CDH23: variants seen among roughly 807,000 people sequenced by gnomAD.
CDH23 encodes the protein cadherin related 23, also known as cadherin-23.
Under a neutral mutation model 317.1 loss-of-function variants are expected in CDH23, and 189 were observed. That is an observed-to-expected ratio of 0.60 (90% CI 0.53 to 0.67). The LOEUF (loss-of-function observed/expected upper bound fraction) is 0.67. Among genes scored for constraint, CDH23 ranks in the 30% least tolerant of loss-of-function variants. CDH23 has a pLI of 0.00. For synonymous variants in CDH23, 1,839 were observed against 1,876.8 expected, an observed-to-expected ratio of 0.98 and a Z score of 0.52; for missense variants, 4,401 against 4,592.4, an observed-to-expected ratio of 0.96 and a Z score of 1.20.
At chr10:71,544,827 T>C (rs1341897969) in intron 6 of CDH23, among the ~76,000 whole-genome samples, 1 of 152,236 alleles carries the variant, frequency 6.6e-6, no homozygotes, top group African/African-American at 2.4e-5. Flanking sequence ...TCATTTTCAG[T>C]TGACTTCTCC....
At chr10:71,411,823 T>G (rs188198727) in intron 1 of CDH23, among the ~76,000 whole-genome samples, 61 of 152,340 alleles carry the variant, frequency 4.0e-4, no homozygotes, top group Admixed American at 2.4e-3. Flanking sequence ...AACATAAAAT[T>G]TACCTTTTAA....
intron 38 of CDH23, among the ~76,000 whole-genome samples, chr10:71,759,521 T>A (rs1002695089): frequency 2.7e-5 from 4 of 150,016 alleles, no homozygotes; most frequent in Non-Finnish European, 5.9e-5. Context: ...AAAAAAAAAA[T>A]TCCTGAGGCC....
intron 26 of CDH23, among the ~76,000 whole-genome samples, chr10:71,708,213 C>A (rs1372983842): frequency 6.6e-6 from 1 of 152,130 alleles, no homozygotes; most frequent in East Asian, 1.9e-4. Flanking sequence ...TCCCTAGGGG[C>A]AAACCAGCAA....
intron 38 of CDH23, chr10:71,742,131 C>G (rs1159241655): frequency 6.9e-6 from 4 of 582,676 alleles, no homozygotes; most frequent in Non-Finnish European, 1.2e-5. Context: ...CTAGTTTGGC[C>G]TCCCGAGTCT....
intron 6 of CDH23, among the ~76,000 whole-genome samples, chr10:71,564,162 A>G (rs1241249616): frequency 6.6e-6 from 1 of 152,186 alleles, no homozygotes; most frequent in Non-Finnish European, 1.5e-5. Flanking sequence ...ACCCAGATGC[A>G]CCTGGCCCCA....
At chr10:71,472,314 C>T (rs1270754327) in intron 3 of CDH23, among the ~76,000 whole-genome samples, 2 of 152,168 alleles carry the variant, frequency 1.3e-5, no homozygotes, top group African/African-American at 4.8e-5. Context: ...CTGTTAACAC[C>T]ACCTCCTCCC....
chr10:71,559,805 A>G (rs955765145), intron 6 of CDH23, among the ~76,000 whole-genome samples: 2 of 152,352 alleles, frequency 1.3e-5, no homozygotes, highest in South Asian at 2.1e-4. Flanking sequence ...CATTTCACCC[A>G]AGAGAGCAAA....
At chr10:71,575,075 A>C (rs1858092772) in intron 8 of CDH23, among the ~76,000 whole-genome samples, 1 of 152,140 alleles carries the variant, frequency 6.6e-6, no homozygotes, top group East Asian at 1.9e-4. Context: ...GGCCCCACAC[A>C]GTGGAACATC....
At chr10:71,715,700 A>C (rs962248311) in intron 28 of CDH23, 3 of 400,766 alleles carry the variant, frequency 7.5e-6, no homozygotes, top group Admixed American at 4.1e-5. Flanking sequence ...ACATCTCTTG[A>C]CCAGAAGTCT....
At chr10:71,681,946 G>T (rs1864670322) in intron 17 of CDH23, among the ~76,000 whole-genome samples, 1 of 152,192 alleles carries the variant, frequency 6.6e-6, no homozygotes. Flanking sequence ...GGAGAGAGGA[G>T]TAGTGACAGG....
chr10:71,483,994 C>T (rs1009417731), intron 3 of CDH23, among the ~76,000 whole-genome samples: 3 of 152,118 alleles, frequency 2.0e-5, no homozygotes, highest in Admixed American at 6.5e-5. Flanking sequence ...TCCTCCAGCC[C>T]GAGCGCACCT....
chr10:71,796,191 T>G (rs2132960341), intron 48 of CDH23: 4 of 711,900 alleles, frequency 5.6e-6, no homozygotes, highest in Middle Eastern at 7.1e-4. Flanking sequence ...GGAGAGGAGG[T>G]CTCACTCTGG....
intron 11 of CDH23, among the ~76,000 whole-genome samples, chr10:71,621,635 C>T (rs902451037): frequency 1.4e-4 from 22 of 152,266 alleles, no homozygotes; most frequent in East Asian, 5.8e-4. Context: ...GCGGGGCAGT[C>T]GAGGGAGCTG....
intron 28 of CDH23, chr10:71,714,832 G>A (rs1266201822): frequency 6.6e-6 from 1 of 152,280 alleles, no homozygotes; most frequent in Non-Finnish European, 1.5e-5. Flanking sequence ...CCAGCTGACT[G>A]GGACAGGAGC....
At position 71,690,480 on chromosome 10, in the gene CDH23, T is replaced by C. The variant is rs543167127; in HGVS notation, c.2072T>C (p.Leu691Pro). 2 of 1,606,026 alleles carry C rather than the reference T, an allele frequency of 1.2e-6. No homozygotes were observed. Among genetic ancestry groups the C allele is most frequent in the African/African-American group, 1.3e-5 (1 of 74,814 alleles). Residue 691 changes from leucine to proline, a missense_variant, in exon 20 of 70, where the codon CTG (leucine) becomes CCG (proline). Leu to Pro is a moderately conservative substitution (Grantham distance 98, BLOSUM62 -3). Around this residue, in one of 3 missense-constraint regions of CDH23, gnomAD observed 3,068 missense variants for 3,203.3 expected, o/e 0.96. Coordinates refer to ENST00000224721, the MANE Select transcript of CDH23 (RefSeq NM_022124.6). ...VENIMAGATV[L>P]FLNATDLDRS... ...TTTCCCCCTGAAGGAGCCACGGTGC[T>C]GTTCCTGAATGCCACAGACCTGGAC...
intron 35 of CDH23, among the ~76,000 whole-genome samples, chr10:71,739,006 T>C (rs574795656): frequency 1.1e-3 from 166 of 152,344 alleles, no homozygotes; most frequent in African/African-American, 3.8e-3. Flanking sequence ...AGGCGCTTGC[T>C]GTCGCTCCAG....
intron 18 of CDH23, 147 bp downstream of exon 18, chr10:71,682,719 C>G: frequency 9.5e-7 from 1 of 1,052,770 alleles, no homozygotes; most frequent in South Asian, 1.6e-5. Flanking sequence ...GTCCCAAAGC[C>G]TGCCCTTAGC....
intron 6 of CDH23, among the ~76,000 whole-genome samples, chr10:71,555,627 A>T (rs1333594352): frequency 3.9e-5 from 6 of 152,154 alleles, no homozygotes; most frequent in African/African-American, 7.2e-5. Context: ...ATTGTCAGTG[A>T]TGGCAGGTGG....
At chr10:71,515,394 T>TCTCTCTCTCACACA (rs1491490493) in intron 6 of CDH23, among the ~76,000 whole-genome samples, 12 of 26,624 alleles carry the variant, frequency 4.5e-4, no homozygotes, top group African/African-American at 8.5e-4. Flanking sequence ...TCTCTCTCTC[T>TCTCTCTCTCACACA]CACACACACA....
Sources: gnomAD v4.1 joint callset for allele counts (sites outside exome capture counted in the v4.1 genomes callset) on GRCh38, gnomAD v4.1.1 for gene constraint, gnomAD v4.1.1 regional missense constraint, MANE v1.5 for transcripts, NCBI Gene and HGNC (gene_info 2026-07-23, HGNC 2026-07-21) for gene names.